PRLR: variants seen among roughly 807,000 people sequenced by gnomAD.
PRLR encodes hPRL receptor.
PRLR carries 13 observed loss-of-function variants against 40.2 expected under a neutral mutation model. The ratio of observed to expected loss-of-function variants is 0.32; its 90% CI spans 0.21 to 0.51. The LOEUF (loss-of-function observed/expected upper bound fraction) is 0.51, where lower values mean the gene tolerates loss of function less well. Ranked by LOEUF, PRLR falls within the 20% of genes least tolerant of loss-of-function variation. The probability of loss-of-function intolerance (pLI) is 0.97; values close to 1 mark genes in which losing one functional copy is unlikely to be tolerated. For missense variants in PRLR, 656 were observed against 747.3 expected, an observed-to-expected ratio of 0.88 and a Z score of 1.42; for synonymous variants, 269 against 278.7, an observed-to-expected ratio of 0.97 and a Z score of 0.35.
At chr5:35,086,966 T>C (rs1770894225) in intron 3 of PRLR, among the ~76,000 whole-genome samples, 1 of 152,054 alleles carries the variant, frequency 6.6e-6, no homozygotes. Flanking sequence ...TTTCCCCATC[T>C]TCTCCTTTCC....
intron 2 of PRLR, among the ~76,000 whole-genome samples, chr5:35,115,765 G>A (rs891066308): frequency 2.6e-5 from 4 of 152,026 alleles, no homozygotes; most frequent in Middle Eastern, 3.2e-3. Flanking sequence ...TTGTTAGGGA[G>A]TGATGATTAC....
chr5:35,066,235 G>T, intron 9 of PRLR, 133 bp from the exon 10 acceptor site: 1 of 915,366 alleles, frequency 1.1e-6, no homozygotes, highest in Non-Finnish European at 1.6e-6. Flanking sequence ...TTGTGTGCCA[G>T]GCCATCTAGA....
intron 1 of PRLR, among the ~76,000 whole-genome samples, chr5:35,185,025 G>A (rs887703590): frequency 4.6e-5 from 7 of 152,202 alleles, no homozygotes; most frequent in Non-Finnish European, 7.3e-5. Flanking sequence ...AGTTTCAACC[G>A]CTGGAAGGAC....
chr5:35,136,686 T>C (rs1773868232), intron 1 of PRLR, among the ~76,000 whole-genome samples: 1 of 152,156 alleles, frequency 6.6e-6, no homozygotes, highest in African/African-American at 2.4e-5. Context: ...TGCTACTGAC[T>C]ACCTCCGCCC....
chr5:35,126,303 T>G (rs908978308), intron 1 of PRLR, among the ~76,000 whole-genome samples: 1 of 152,216 alleles, frequency 6.6e-6, no homozygotes, highest in African/African-American at 2.4e-5. Flanking sequence ...CCAGGGGATC[T>G]GGCTCCCCAG....
At chr5:35,121,700 G>A (rs917662136) in intron 1 of PRLR, among the ~76,000 whole-genome samples, 32 of 152,098 alleles carry the variant, frequency 2.1e-4, no homozygotes, top group Non-Finnish European at 4.0e-4. Context: ...AATCTATGAG[G>A]TAGGCACTAT....
chr5:35,077,408 T>C (rs1770182904), intron 5 of PRLR, among the ~76,000 whole-genome samples: 2 of 152,094 alleles, frequency 1.3e-5, no homozygotes, highest in Admixed American at 6.6e-5. Flanking sequence ...GCAATCCTAC[T>C]CTCTGAGGAA....
At chr5:35,130,519 A>C (rs1773634052) in intron 1 of PRLR, among the ~76,000 whole-genome samples, 1 of 152,216 alleles carries the variant, frequency 6.6e-6, no homozygotes, top group Non-Finnish European at 1.5e-5. Context: ...AAGGGCAAGC[A>C]ATGGCCACAG....
At chr5:35,068,144 G>C in intron 9 of PRLR, 72 bp downstream of exon 9, 1 of 1,351,088 alleles carries the variant, frequency 7.4e-7, no homozygotes, top group Non-Finnish European at 1.1e-6. Flanking sequence ...GACGGGGACT[G>C]TGTGTGAGTG....
chr5:35,146,882 T>C (rs1412747549), intron 1 of PRLR, among the ~76,000 whole-genome samples: 1 of 152,120 alleles, frequency 6.6e-6, no homozygotes, highest in Non-Finnish European at 1.5e-5. Flanking sequence ...CTGGAGAAGA[T>C]GCAAGGAAGA....
chr5:35,123,176 G>A (rs767543465), intron 1 of PRLR, among the ~76,000 whole-genome samples: 10 of 152,256 alleles, frequency 6.6e-5, no homozygotes, highest in South Asian at 2.1e-4. Flanking sequence ...AATTCCTTTC[G>A]TTAGTGGATT....
At chr5:35,115,819 C>T (rs1772981717) in intron 2 of PRLR, among the ~76,000 whole-genome samples, 1 of 151,968 alleles carries the variant, frequency 6.6e-6, no homozygotes, top group African/African-American at 2.4e-5. Context: ...TTAGAGAGAC[C>T]AGACATCATA....
At chr5:35,119,126 A>G (rs1773184046) in intron 1 of PRLR, among the ~76,000 whole-genome samples, 1 of 152,160 alleles carries the variant, frequency 6.6e-6, no homozygotes, top group Non-Finnish European at 1.5e-5. Context: ...GCTTCGATAT[A>G]TATGAACAGC....
intron 5 of PRLR, among the ~76,000 whole-genome samples, chr5:35,074,031 C>T (rs770173433): frequency 2.6e-5 from 4 of 152,136 alleles, no homozygotes; most frequent in Non-Finnish European, 5.9e-5. Flanking sequence ...CCATCAATTC[C>T]ACTCCTAGAT....
At chr5:35,094,749 G>A (rs1244813991) in intron 2 of PRLR, among the ~76,000 whole-genome samples, 1 of 151,874 alleles carries the variant, frequency 6.6e-6, no homozygotes, top group Non-Finnish European at 1.5e-5. Flanking sequence ...TGTTCTACCT[G>A]GGTTAGATGG....
chr5:35,220,819 T>C (rs550958925), intron 1 of PRLR, among the ~76,000 whole-genome samples: 10 of 152,298 alleles, frequency 6.6e-5, no homozygotes, highest in African/African-American at 2.4e-4. Context: ...GAAAACAAAA[T>C]GCTACATCAC....
intron 2 of PRLR, among the ~76,000 whole-genome samples, chr5:35,109,464 C>G (rs1220112665): frequency 1.3e-5 from 2 of 152,114 alleles, no homozygotes; most frequent in African/African-American, 4.8e-5. Context: ...TTACAATCTA[C>G]CCATCTGACA....
intron 5 of PRLR, chr5:35,081,275 C>T (rs1323958135): frequency 6.1e-6 from 1 of 162,780 alleles, no homozygotes; most frequent in Non-Finnish European, 1.3e-5. Context: ...AATGGCCCCT[C>T]TGGGAAACTG....
intron 9 of PRLR, 130 bp from the exon 10 acceptor site, chr5:35,066,232 C>G (rs921164859): frequency 1.1e-6 from 1 of 928,596 alleles, no homozygotes; most frequent in Non-Finnish European, 1.6e-6. Flanking sequence ...CATTTGTGTG[C>G]CAGGCCATCT....
Sources: gnomAD v4.1 joint callset for allele counts (sites outside exome capture counted in the v4.1 genomes callset) on GRCh38, gnomAD v4.1.1 for gene constraint, MANE v1.5 for transcripts, NCBI Gene and HGNC (gene_info 2026-07-23, HGNC 2026-07-21) for gene names.